Variants in LIN28B observed in about 807,000 individuals in gnomAD.
The protein encoded by LIN28B is lin-28 RNA binding posttranscriptional regulator B.
In LIN28B, 5 loss-of-function variants were observed where a neutral mutation model predicts 21.9. That is an observed-to-expected ratio of 0.23 (90% CI 0.12 to 0.48). The LOEUF (loss-of-function observed/expected upper bound fraction) is 0.48. Ranked by LOEUF, LIN28B falls within the 20% of genes least tolerant of loss-of-function variation. LIN28B has a pLI of 0.98. For missense variants in LIN28B, 245 were observed against 310.5 expected, an observed-to-expected ratio of 0.79 and a Z score of 1.58; for synonymous variants, 109 against 111.3, an observed-to-expected ratio of 0.98 and a Z score of 0.13.
upstream of LIN28B, among the ~76,000 whole-genome samples, chr6:104,953,898 A>G (rs1260897811): frequency 6.6e-6 from 1 of 152,096 alleles, no homozygotes; most frequent in African/African-American, 2.4e-5. Flanking sequence ...AACAGAAGTC[A>G]CTCATTCCTT....
intron 2 of LIN28B, among the ~76,000 whole-genome samples, chr6:105,026,059 G>C (rs1017126737): frequency 6.6e-6 from 1 of 152,040 alleles, no homozygotes. Context: ...CTGGGACAAA[G>C]AATATGCACA....
Position 104,945,459 on chromosome 6 carries a change from G to T in LIN28B, c.19-5002G>T, listed in dbSNP as rs1233963009. Among the ~76,000 whole-genome samples the T allele has an allele frequency of 2.0e-5, 3 of 152,004 alleles. No individual in the cohort carries two copies. The East Asian group carries it at 5.8e-4, about 29-fold the overall frequency. On this transcript the variant is annotated intron_variant, in intron 2 of 5. Coordinates refer to the LIN28B transcript ENST00000635857. ...AAATGTATGTCAATAAAATTTCCTTGTTATTATTGTAATTAAAAGAAGTGT... is the reference window on the plus strand; with the variant it reads ...AAATGTATGTCAATAAAATTTCCTTTTTATTATTGTAATTAAAAGAAGTGT...
intron 2 of LIN28B, among the ~76,000 whole-genome samples, chr6:104,975,409 C>T (rs1770069921): frequency 1.3e-5 from 2 of 152,234 alleles, no homozygotes; most frequent in Admixed American, 6.5e-5. Context: ...CTTGCTAACA[C>T]TAAATCCCCA....
In LIN28B at chr6:105,045,284, GT is replaced by G. The variant is rs57205680; in HGVS notation, c.383+18821del. The stretch of plus-strand genomic sequence containing the variant: ...ACTTCATAAATTTGTATGTCATTCT[GT>G]TTTTTTTTTTTTTTTTTTGAGATGG... On this transcript the variant is annotated intron_variant, in intron 3 of 3. Transcript: ENST00000345080. Among the ~76,000 whole-genome samples the G allele has an allele frequency of 8.6e-3, 1,006 of 116,784 alleles. 3 individuals carry two copies. Among genetic ancestry groups the G allele is most frequent in the African/African-American group, 0.031 (932 of 29,616 alleles). The allele number at this position is 116,784 out of a possible 152,430, so 76.6% of individuals were successfully genotyped here. A position where few individuals can be genotyped will look rare whatever the true frequency, so the allele number is the denominator to read the frequency against.
chr6:104,996,793 G>C (rs1770614726), intron 2 of LIN28B, among the ~76,000 whole-genome samples: 1 of 152,122 alleles, frequency 6.6e-6, no homozygotes, highest in Non-Finnish European at 1.5e-5. Flanking sequence ...TTGCCTATAA[G>C]TCTATTTCAA....
intron 2 of LIN28B, chr6:104,941,477 C>G (rs549427451): frequency 6.7e-6 from 1 of 149,806 alleles, no homozygotes; most frequent in East Asian, 1.9e-4. Context: ...GGGGCGCAGG[C>G]CACGCGGGGG....
chr6:105,057,727 A>AG (rs1380511045), intron 3 of LIN28B, among the ~76,000 whole-genome samples: 344 of 152,280 alleles, frequency 2.3e-3, no homozygotes, highest in African/African-American at 7.4e-3. Flanking sequence ...AGTTTACTAT[A>AG]AATTACTTTT....
At chr6:105,014,630 C>T (rs1367446907) in intron 2 of LIN28B, among the ~76,000 whole-genome samples, 1 of 152,074 alleles carries the variant, frequency 6.6e-6, no homozygotes, top group African/African-American at 2.4e-5. Context: ...CCTTAAATTT[C>T]TTTTTATAGC....
intron 2 of LIN28B, among the ~76,000 whole-genome samples, chr6:104,945,334 A>G (rs1017923084): frequency 2.0e-5 from 3 of 152,078 alleles, no homozygotes; most frequent in African/African-American, 7.2e-5. Context: ...TTAAAATGTT[A>G]ATTGAAAATA....
chr6:104,965,661 A>G (rs566875012), intron 2 of LIN28B, among the ~76,000 whole-genome samples: 246 of 152,342 alleles, frequency 1.6e-3, no homozygotes, highest in Non-Finnish European at 2.7e-3. Flanking sequence ...TCCTGGGATT[A>G]CAGGCATGAG....
At position 105,020,521 on chromosome 6, in the gene LIN28B, G is replaced by A. The variant is rs148479399; in HGVS notation, c.199-5777G>A. The stretch of plus-strand genomic sequence containing the variant: ...TTTTGTAGAGATGGGGTTTCGCCAT[G>A]TTGCACAGGCTGGCCTAGAACTCCT... On this transcript the variant is annotated intron_variant, in intron 2 of 3. Transcript: ENST00000345080. 5.1e-3 allele frequency among the ~76,000 whole-genome samples: 782 copies of A among 151,966 alleles called. 21 individuals are homozygous for A. In the East Asian group the frequency reaches 0.078, roughly 15 times the overall value.
At chr6:104,941,526 C>G (rs996468491) in intron 2 of LIN28B, 1 of 147,710 alleles carries the variant, frequency 6.8e-6, no homozygotes, top group African/African-American at 2.4e-5. Context: ...GGGGTCCCGG[C>G]GGCGGGTCCT....
rs1436483827 is a variant in LIN28B at position 105,080,228 on chromosome 6, C to T, written c.*1445C>T. 1 of 152,478 alleles carries T rather than the reference C, an allele frequency of 6.6e-6. No homozygotes were observed. The highest frequency in any genetic ancestry group is 6.6e-5 in the Admixed American group (1 of 15,250). The allele number at this position is 152,478 out of a possible 1,614,324, so 9.4% of individuals were successfully genotyped here. On this transcript the variant is annotated 3_prime_UTR_variant, in exon 4 of 4. Coordinates refer to ENST00000345080, the MANE Select transcript of LIN28B (RefSeq NM_001004317.4). ...GAAAAAAAAATTATTTTGGGGTCAT[C>T]CTGGCTCTAGATGTTATGGGCAAAT...
rs893159016 is a variant in LIN28B, at chr6:105,078,956, T to C, written c.*173T>C. 1.8e-5 allele frequency: 12 copies of C among 667,196 alleles called. No individual in the cohort carries two copies. Among genetic ancestry groups the C allele is most frequent in the Middle Eastern group, 4.1e-4 (1 of 2,442 alleles). The allele number at this position is 667,196 out of a possible 1,614,324, so 41.3% of individuals were successfully genotyped here. Reference sequence around the variant, plus strand: ...CTAAGCAAATTACATTTGAGCAGGGTGTCATGTTTTATGTTAATTCAGAGA... The same window carrying C: ...CTAAGCAAATTACATTTGAGCAGGGCGTCATGTTTTATGTTAATTCAGAGA... On this transcript the variant is annotated 3_prime_UTR_variant, in exon 4 of 4. Transcript: ENST00000345080.
intron 3 of LIN28B, among the ~76,000 whole-genome samples, chr6:105,040,706 G>T (rs776194947): frequency 6.6e-6 from 1 of 151,732 alleles, no homozygotes; most frequent in African/African-American, 2.4e-5. Context: ...AAAGCCCTTC[G>T]CATTTTGTAG....
chr6:105,065,427 G>T (rs921902091), intron 3 of LIN28B, among the ~76,000 whole-genome samples: 1 of 152,168 alleles, frequency 6.6e-6, no homozygotes, highest in African/African-American at 2.4e-5. Flanking sequence ...TTTTACTTAC[G>T]TACATGGTGA....
intron 2 of LIN28B, among the ~76,000 whole-genome samples, chr6:104,982,240 G>A (rs1000876233): frequency 1.3e-5 from 2 of 151,914 alleles, no homozygotes; most frequent in African/African-American, 4.8e-5. Context: ...CTTGAACCAG[G>A]GAGGCAGAGG....
chr6:104,950,714 C>T (rs530200084), intron 3 of LIN28B, among the ~76,000 whole-genome samples: 1 of 152,038 alleles, frequency 6.6e-6, no homozygotes, highest in East Asian at 1.9e-4. Flanking sequence ...CGTGGACAAC[C>T]TCTTCTAATT....
chr6:105,011,187 T>C (rs537336975), intron 2 of LIN28B, among the ~76,000 whole-genome samples: 4 of 152,214 alleles, frequency 2.6e-5, no homozygotes, highest in African/African-American at 9.6e-5. Flanking sequence ...CTAACATCAG[T>C]GTTCCTCCTT....
Sources: allele counts gnomAD v4.1 joint callset (sites outside exome capture counted in the v4.1 genomes callset), GRCh38; gene constraint gnomAD v4.1.1; transcripts MANE v1.5; gene names NCBI Gene and HGNC (gene_info 2026-07-23, HGNC 2026-07-21).